The following KHDRBS3 variants were observed in gnomAD, a reference collection of about 807,000 sequenced individuals.
The protein encoded by KHDRBS3 is KH domain-containing, RNA-binding, signal transduction-associated protein 3.
In KHDRBS3, 23 loss-of-function variants were observed where a neutral mutation model predicts 45.6. The ratio of observed to expected loss-of-function variants is 0.50; its 90% CI spans 0.36 to 0.72. The LOEUF (loss-of-function observed/expected upper bound fraction) is 0.72. KHDRBS3 is among the 30% of genes least tolerant of loss of function. The pLI is 0.00. For missense variants in KHDRBS3, 352 were observed against 424.8 expected (o/e 0.83, Z 1.51); for synonymous variants, 162 against 156.5 (o/e 1.04, Z -0.26).
At chr8:135,526,647 A>G (rs1169422798) in intron 2 of KHDRBS3, among the ~76,000 whole-genome samples, 1 of 152,172 alleles carries the variant, frequency 6.6e-6, no homozygotes, top group African/African-American at 2.4e-5. Context: ...ATTAATGCTG[A>G]TGGTACACTT....
chr8:135,553,771 A>C (rs1237394630), intron 4 of KHDRBS3, among the ~76,000 whole-genome samples: 1 of 152,204 alleles, frequency 6.6e-6, no homozygotes, highest in Non-Finnish European at 1.5e-5. Context: ...CTCACTGGGT[A>C]GTCAAGTCCT....
intron 2 of KHDRBS3, chr8:135,539,986 A>G (rs1445560290): frequency 1.3e-5 from 2 of 152,174 alleles, no homozygotes; most frequent in Non-Finnish European, 2.9e-5. Flanking sequence ...TCTGTATAAA[A>G]TTAGATGTTT....
intron 7 of KHDRBS3, among the ~76,000 whole-genome samples, chr8:135,611,485 A>G (rs1412899325): frequency 6.6e-6 from 1 of 151,874 alleles, no homozygotes; most frequent in Non-Finnish European, 1.5e-5. Context: ...AAATGGTTCT[A>G]TGCACCATAT....
rs1184608784 is a variant in KHDRBS3, at chr8:135,582,072, A to G, written c.806A>G (p.Tyr269Cys). 3 of 1,539,776 alleles carry G rather than the reference A, an allele frequency of 1.9e-6. No individual in the cohort carries two copies. Among genetic ancestry groups the G allele is most frequent in the Non-Finnish European group, 2.6e-6 (3 of 1,136,346 alleles). The change falls in exon 6 of 9, where the codon TAT becomes TGT. Residue 269 changes from tyrosine to cysteine, a missense_variant and splice_region_variant. By Grantham distance (194) the Tyr-to-Cys change is radical (BLOSUM62 -2). Transcript: ENST00000355849. ...PPPTQETYGE[Y>C]DYDDGYGTAY... The stretch of plus-strand genomic sequence containing the variant: ...CCGACACAAGAGACTTATGGAGAAT[A>G]TGTAAGTGAAGGTGTCAGACAACAG...
At chr8:135,509,974 C>CTTTTTT (rs1237666093) in intron 1 of KHDRBS3, among the ~76,000 whole-genome samples, 1 of 122,936 alleles carries the variant, frequency 8.1e-6, no homozygotes, top group African/African-American at 3.4e-5. Context: ...TTCCCCCCCC[C>CTTTTTT]TTTTTTTTTT....
intron 7 of KHDRBS3, among the ~76,000 whole-genome samples, chr8:135,638,662 A>G (rs957406229): frequency 1.3e-5 from 2 of 152,182 alleles, no homozygotes; most frequent in Admixed American, 6.5e-5. Context: ...AAGTTAGTAG[A>G]TGGCTAGCTG....
At chr8:135,515,771 A>G (rs1042520594) in intron 1 of KHDRBS3, among the ~76,000 whole-genome samples, 1 of 152,206 alleles carries the variant, frequency 6.6e-6, no homozygotes. Context: ...TGGCCCCTGC[A>G]TGCCATTTTA....
At chr8:135,652,593 A>G (rs566787461), downstream of KHDRBS3, among the ~76,000 whole-genome samples, 18 of 152,330 alleles carry the variant, frequency 1.2e-4, no homozygotes, top group East Asian at 3.1e-3. Flanking sequence ...CCCCACTCAA[A>G]TAAATGCACA....
chr8:135,482,647 G>A (rs1225581105), intron 1 of KHDRBS3, among the ~76,000 whole-genome samples: 1 of 152,142 alleles, frequency 6.6e-6, no homozygotes, highest in African/African-American at 2.4e-5. Flanking sequence ...GGTGGCATTA[G>A]AGACTGGAAG....
chr8:135,620,531 A>G (rs1830095234), intron 7 of KHDRBS3, among the ~76,000 whole-genome samples: 1 of 152,200 alleles, frequency 6.6e-6, no homozygotes, highest in Non-Finnish European at 1.5e-5. Context: ...ACCTATTAAA[A>G]TGTAAAGGCT....
intron 5 of KHDRBS3, among the ~76,000 whole-genome samples, chr8:135,559,068 C>A (rs1827038050): frequency 6.6e-6 from 1 of 152,126 alleles, no homozygotes; most frequent in Non-Finnish European, 1.5e-5. Context: ...TTAGGGCACA[C>A]CAGGGTAATC....
At chr8:135,473,528 A>G (rs1369400215) in intron 1 of KHDRBS3, among the ~76,000 whole-genome samples, 1 of 152,068 alleles carries the variant, frequency 6.6e-6, no homozygotes, top group African/African-American at 2.4e-5. Flanking sequence ...CTAGACAGAT[A>G]TACACTTTTT....
At chr8:135,616,714 G>C (rs1489249178) in intron 7 of KHDRBS3, among the ~76,000 whole-genome samples, 1 of 152,130 alleles carries the variant, frequency 6.6e-6, no homozygotes, top group African/African-American at 2.4e-5. Flanking sequence ...TTATGTGACA[G>C]GGTTTCTAAA....
chr8:135,625,498 C>T, intron 7 of KHDRBS3: 1 of 793,948 alleles, frequency 1.3e-6, no homozygotes, highest in South Asian at 1.4e-5. Flanking sequence ...TTGAGATGGG[C>T]CTCAGGGGAG....
intron 5 of KHDRBS3, among the ~76,000 whole-genome samples, chr8:135,572,863 C>T (rs1243644865): frequency 1.3e-5 from 2 of 152,226 alleles, no homozygotes; most frequent in African/African-American, 4.8e-5. Context: ...TTCCTTTTGT[C>T]AGCCTTCTCA....
At chr8:135,510,702 G>A (rs1266775760) in intron 1 of KHDRBS3, among the ~76,000 whole-genome samples, 1 of 152,146 alleles carries the variant, frequency 6.6e-6, no homozygotes, top group Admixed American at 6.5e-5. Flanking sequence ...CAAAGTTCTG[G>A]GATTACAGGC....
At chr8:135,499,326 TAAAG>T (rs1468166026) in intron 1 of KHDRBS3, among the ~76,000 whole-genome samples, 14 of 152,324 alleles carry the variant, frequency 9.2e-5, no homozygotes, top group Non-Finnish European at 2.9e-5. Context: ...ATTTTGTCAA[TAAAG>T]AAACAGAATG....
At chr8:135,468,544 G>A (rs1251066700) in intron 1 of KHDRBS3, among the ~76,000 whole-genome samples, 4 of 152,198 alleles carry the variant, frequency 2.6e-5, no homozygotes, top group Non-Finnish European at 1.5e-5. Context: ...CTCAACCTCT[G>A]CTGTTGTAGC....
intron 7 of KHDRBS3, among the ~76,000 whole-genome samples, chr8:135,641,268 G>T (rs755357022): frequency 6.6e-6 from 1 of 152,134 alleles, no homozygotes; most frequent in South Asian, 2.1e-4. Flanking sequence ...AATAAAGGAG[G>T]TTTAGTTTGG....
Sources: allele counts gnomAD v4.1 joint callset (sites outside exome capture counted in the v4.1 genomes callset), GRCh38; gene constraint gnomAD v4.1.1; transcripts MANE v1.5; gene names NCBI Gene and HGNC (gene_info 2026-07-23, HGNC 2026-07-21).